Variants in OR6C2 observed in about 807,000 individuals in gnomAD.
The protein encoded by OR6C2 is olfactory receptor family 6 subfamily C member 2.
For synonymous variants in OR6C2, 146 were observed against 134.2 expected (o/e 1.09, Z -0.61); for missense variants, 435 against 365.8 (o/e 1.19, Z -1.54).
In OR6C2 at chr12:55,452,988, A is replaced by G. The variant is rs766108386; in HGVS notation, c.775A>G (p.Lys259Glu). 8.7e-6 allele frequency: 14 copies of G among 1,613,524 alleles called. No homozygotes were observed. In the East Asian group the frequency reaches 2.0e-4, roughly 23 times the overall value. The change falls in exon 2 of 2, where the codon AAG becomes GAG. Residue 259 changes from lysine (K) to glutamate (E), a missense_variant. Coordinates refer to ENST00000641202, the MANE Select transcript of OR6C2 (RefSeq NM_054105.2). ...AYGSCIFIYI[K>E]PSAKDEVAIN... ...TGGAAGCTGCATCTTCATCTATATC[A>G]AGCCCTCTGCAAAAGATGAGGTGGC...
rs983273548 is a variant in OR6C2 at position 55,452,017 on chromosome 12, C to T, written c.-197C>T. ...AAAACTTGATTTCTTAAGGAGATAT[C>T]CACTGCTCATATATGTGAAATTTAG... On this transcript the variant is annotated 5_prime_UTR_variant, in exon 2 of 2. Transcript: ENST00000641202. 1.3e-5 allele frequency: 6 copies of T among 447,682 alleles called. No homozygotes were observed. Among genetic ancestry groups the T allele is most frequent in the Admixed American group, 1.1e-4 (3 of 26,350 alleles). 27.7% of individuals were successfully genotyped at this position (447,682 alleles called of 1,614,324 possible). A position where few individuals can be genotyped will look rare whatever the true frequency, so the allele number is the denominator to read the frequency against.
chr12:55,452,253 GGACT>G lies in OR6C2; in HGVS notation c.44_47del (p.Leu15GlnfsTer20), dbSNP rs1177309843. The G allele has an allele frequency of 6.2e-7, 1 of 1,608,774 alleles. No individual in the cohort carries two copies. The highest frequency in any genetic ancestry group is 1.1e-5 in the South Asian group (1 of 90,088). On this transcript the variant is annotated frameshift_variant, in exon 2 of 2. Coordinates refer to ENST00000641202, the MANE Select transcript of OR6C2 (RefSeq NM_054105.2). LOFTEE classifies it low-confidence loss of function (END_TRUNC). ...AGTAATAAGAACTTTTATCCTGCTG[GGACT>G]GACAGGTGACCCACACCTGCAAGTT...
chr12:55,445,986 T>C (rs890407479), intron 1 of OR6C2, among the ~76,000 whole-genome samples: 1 of 152,230 alleles, frequency 6.6e-6, no homozygotes, highest in African/African-American at 2.4e-5. Context: ...CAGAAAACTA[T>C]ACTTGTGACA....
At position 55,450,985 on chromosome 12, in the gene OR6C2, T is replaced by G. The variant is rs115191273; in HGVS notation, c.-887-342T>G. Among the ~76,000 whole-genome samples the G allele has an allele frequency of 4.7e-3, 718 of 151,990 alleles. 3 individuals are homozygous for G. Among genetic ancestry groups the G allele is most frequent in the African/African-American group, 0.016 (681 of 41,496 alleles). ...GGACACAGAGGGTTAAAGCATAAAT[T>G]GAGTAGGGGTGAGATGAGGAGACGT... On this transcript the variant is annotated intron_variant, in intron 1 of 1. Coordinates refer to ENST00000641202, the MANE Select transcript of OR6C2 (RefSeq NM_054105.2).
rs575931838 is a variant in OR6C2, at chr12:55,449,726, A to C, written c.-887-1601A>C. The stretch of plus-strand genomic sequence containing the variant: ...GAGAATCAAATTCTGGAAAAAAGGA[A>C]AAAAAAATTCTAAGTTCTTAGGAAG... On this transcript the variant is annotated intron_variant, in intron 1 of 1. Coordinates refer to ENST00000641202, the MANE Select transcript of OR6C2 (RefSeq NM_054105.2). Among the ~76,000 whole-genome samples the C allele has an allele frequency of 9.3e-5, 14 of 150,284 alleles. No individual in the cohort carries two copies. In the South Asian group the frequency reaches 2.7e-3, roughly 29 times the overall value.
In OR6C2 at chr12:55,453,259, C is replaced by A. The variant is rs1871529383; in HGVS notation, c.*107C>A. On this transcript the variant is annotated 3_prime_UTR_variant, in exon 2 of 2. Coordinates refer to ENST00000641202, the MANE Select transcript of OR6C2 (RefSeq NM_054105.2). ...CCTGACTACAGTTTAGTCATGTGAA[C>A]CTTCTCAATGACATTTAATATTGCA... The A allele has an allele frequency of 8.1e-6, 6 of 742,172 alleles. No homozygotes were observed. The highest frequency in any genetic ancestry group is 5.8e-5 in the South Asian group (3 of 52,152). 46.0% of individuals were successfully genotyped at this position (742,172 alleles called of 1,614,324 possible).
intron 1 of OR6C2, among the ~76,000 whole-genome samples, chr12:55,446,257 C>T (rs564074051): frequency 6.6e-6 from 1 of 152,240 alleles, no homozygotes; most frequent in East Asian, 1.9e-4. Context: ...TCAAGCAATT[C>T]TCCTGCCTCA....
chr12:55,446,926 A>G (rs933567217), intron 1 of OR6C2, among the ~76,000 whole-genome samples: 1 of 152,308 alleles, frequency 6.6e-6, no homozygotes, highest in East Asian at 1.9e-4. Flanking sequence ...CATAGGTCCA[A>G]TAATTAAATA....
At chr12:55,447,982 A>C in intron 1 of OR6C2, among the ~76,000 whole-genome samples, 1 of 151,946 alleles carries the variant, frequency 6.6e-6, no homozygotes, top group East Asian at 1.9e-4. Context: ...CTATTTCTCT[A>C]TGTACTTGCC....
rs979709464 is a variant in OR6C2, at chr12:55,452,956, T to C, written c.743T>C (p.Ile248Thr). 1 of 1,613,714 alleles carries C rather than the reference T, an allele frequency of 6.2e-7. No individual in the cohort carries two copies. Among genetic ancestry groups the C allele is most frequent in the Non-Finnish European group, 8.5e-7 (1 of 1,179,762 alleles). ...TCSSHMIVVS[I>T]AYGSCIFIYI... is the part of the protein sequence containing the mutation. ...TCATCCCACATGATTGTGGTTTCCA[T>C]TGCCTATGGAAGCTGCATCTTCATC... The change falls in exon 2 of 2, where the codon ATT becomes ACT. Residue 248 changes from isoleucine (I) to threonine (T), a missense_variant. Physicochemically the swap from Ile to Thr is moderately conservative, Grantham distance 89. Coordinates refer to ENST00000641202, the MANE Select transcript of OR6C2 (RefSeq NM_054105.2).
At position 55,452,324 on chromosome 12, in the gene OR6C2, A is replaced by G. The variant is rs142313431; in HGVS notation, c.111A>G (p.Val37=). The G allele has an allele frequency of 3.6e-5, 58 of 1,613,318 alleles. No homozygotes were observed. Among genetic ancestry groups the G allele is most frequent in the Non-Finnish European group, 4.7e-5 (55 of 1,179,516 alleles). ...TATTTCTCACCTACATGTTGAGTGTAACAGGGAACCTGACTATTATCACCC... is the reference window on the plus strand; with the variant it reads ...TATTTCTCACCTACATGTTGAGTGTGACAGGGAACCTGACTATTATCACCC... ...IFLFLTYMLS[V]TGNLTIITLT... The change falls in exon 2 of 2, where the codon GTA becomes GTG. Residue 37 remains valine (V), a synonymous_variant. Coordinates refer to ENST00000641202, the MANE Select transcript of OR6C2 (RefSeq NM_054105.2).
chr12:55,444,949 G>C (rs1871336555), intron 1 of OR6C2, among the ~76,000 whole-genome samples: 1 of 152,112 alleles, frequency 6.6e-6, no homozygotes, highest in Non-Finnish European at 1.5e-5. Context: ...GCATGAAAGA[G>C]GATTGAGGCA....
Position 55,451,373 on chromosome 12 carries a change from AT to A in OR6C2, c.-838del, listed in dbSNP as rs1329833968. 6.6e-6 allele frequency: 1 copy of A among 151,792 alleles called. No homozygotes were observed. Among genetic ancestry groups the A allele is most frequent in the Non-Finnish European group, 1.5e-5 (1 of 67,938 alleles). The allele number at this position is 151,792 out of a possible 1,614,324, so 9.4% of individuals were successfully genotyped here. ...CTCTCTATGTCTATGAGTTCAACTG[AT>A]TTGATTTTCAGATGTCACGAATAAG... On this transcript the variant is annotated 5_prime_UTR_variant, in exon 2 of 2. The change creates a premature stop within an existing upstream ORF in the 5' untranslated region. Transcript: ENST00000641202.
chr12:55,448,653 A>AG (rs1871410916), intron 1 of OR6C2, among the ~76,000 whole-genome samples: 2 of 145,680 alleles, frequency 1.4e-5, no homozygotes, highest in Non-Finnish European at 3.0e-5. Context: ...CAAAAAAAAA[A>AG]AAAAAAGAAA....
rs768045166 is a variant in OR6C2, at chr12:55,452,310, TACATGTTGAGTGTA to T, written c.101_114del (p.Met34ArgfsTer16). ...GCTTTTTATCTTTCTATTTCTCACCTACATGTTGAGTGTAACAGGGAACCTGACTATTATCACCC... is the reference window on the plus strand; with the variant it reads ...GCTTTTTATCTTTCTATTTCTCACCTACAGGGAACCTGACTATTATCACCC... On this transcript the variant is annotated frameshift_variant, in exon 2 of 2. Transcript: ENST00000641202. LOFTEE classifies it low-confidence loss of function (END_TRUNC). 1 of 1,613,366 alleles carries T rather than the reference TACATGTTGAGTGTA, an allele frequency of 6.2e-7. No individual in the cohort carries two copies. Among genetic ancestry groups the T allele is most frequent in the East Asian group, 2.2e-5 (1 of 44,872 alleles).
rs991209699 is a variant in OR6C2 at position 55,452,080 on chromosome 12, T to C, written c.-134T>C. The C allele has an allele frequency of 1.8e-6, 1 of 565,006 alleles. No homozygotes were observed. Among genetic ancestry groups the C allele is most frequent in the Admixed American group, 3.3e-5 (1 of 30,398 alleles). The allele number at this position is 565,006 out of a possible 1,614,324, so 35.0% of individuals were successfully genotyped here. ...AACACTGGCAACATTGATTATTCTATAAAGGGAGAAAATAAAAGTAGGCTG... is the reference window on the plus strand; with the variant it reads ...AACACTGGCAACATTGATTATTCTACAAAGGGAGAAAATAAAAGTAGGCTG... On this transcript the variant is annotated 5_prime_UTR_variant, in exon 2 of 2. Coordinates refer to ENST00000641202, the MANE Select transcript of OR6C2 (RefSeq NM_054105.2).
chr12:55,452,712 T>C lies in OR6C2; in HGVS notation c.499T>C (p.Cys167Arg). Residue 167 changes from cysteine to arginine, a missense_variant, in exon 2 of 2, where the codon TGT becomes CGT. Coordinates refer to ENST00000641202, the MANE Select transcript of OR6C2 (RefSeq NM_054105.2). ...PLSLGLQLEF[C>R]DSNAIDHFSC... ...TAGCTTAGGCCTCCAGCTCGAATTC[T>C]GTGACTCCAATGCCATTGATCATTT... The C allele has an allele frequency of 1.2e-6, 2 of 1,613,896 alleles. No individual in the cohort carries two copies. The highest frequency in any genetic ancestry group is 1.7e-6 in the Non-Finnish European group (2 of 1,179,848).
Position 55,452,121 on chromosome 12 carries a change from A to G in OR6C2, c.-93A>G, listed in dbSNP as rs1183368152. 2.7e-6 allele frequency: 2 copies of G among 732,994 alleles called. No homozygotes were observed. The highest frequency in any genetic ancestry group is 2.2e-6 in the Non-Finnish European group (1 of 448,662). The allele number at this position is 732,994 out of a possible 1,614,324, so 45.4% of individuals were successfully genotyped here. ...AAGTAGGCTGGTCAGCTTGGCTTCT[A>G]GATGCATATCCTTTTGCTATAGAAT... On this transcript the variant is annotated 5_prime_UTR_variant, in exon 2 of 2. Coordinates refer to ENST00000641202, the MANE Select transcript of OR6C2 (RefSeq NM_054105.2).
rs1871519861 is a variant in OR6C2 at position 55,452,987 on chromosome 12, C to T, written c.774C>T (p.Ile258=). Residue 258 remains isoleucine, a synonymous_variant, in exon 2 of 2, where the codon ATC becomes ATT. Transcript: ENST00000641202. ...ATGGAAGCTGCATCTTCATCTATATCAAGCCCTCTGCAAAAGATGAGGTGG... is the reference window on the plus strand; with the variant it reads ...ATGGAAGCTGCATCTTCATCTATATTAAGCCCTCTGCAAAAGATGAGGTGG... ...IAYGSCIFIY[I]KPSAKDEVAI... The T allele has an allele frequency of 6.2e-7, 1 of 1,613,700 alleles. No homozygotes were observed.
Sources: allele counts gnomAD v4.1 joint callset (sites outside exome capture counted in the v4.1 genomes callset), GRCh38; gene constraint gnomAD v4.1.1; transcripts MANE v1.5; gene names NCBI Gene and HGNC (gene_info 2026-07-23, HGNC 2026-07-21).